The following MID1 variants were observed in gnomAD, a reference collection of about 807,000 sequenced individuals.
MID1 encodes the protein midline 1.
Under a neutral mutation model 40.4 loss-of-function variants are expected in MID1, and 7 were observed. The observed-to-expected ratio is 0.17, with a 90% CI of 0.10 to 0.33. MID1 has a LOEUF of 0.33. Ranked by LOEUF, MID1 falls within the 10% of genes least tolerant of loss-of-function variation. MID1 has a pLI of 1.00. For synonymous variants in MID1, 229 were observed against 221.2 expected, an observed-to-expected ratio of 1.04 and a Z score of -0.31; for missense variants, 367 against 558.5, an observed-to-expected ratio of 0.66 and a Z score of 3.46.
intron 1 of MID1, among the ~76,000 whole-genome samples, chrX:10,613,710 TATATATATATATATATATATATAGAG>T (rs1935776660): frequency 2.1e-5 from 1 of 48,525 alleles, no homozygotes; most frequent in African/African-American, 1.1e-4. Flanking sequence ...TATATATATA[TATATATATATATATATATATATAGAG>T]AGAGAGAGAG....
chrX:10,627,339 T>C (rs1569132089), intron 1 of MID1, among the ~76,000 whole-genome samples: 1 of 111,677 alleles, frequency 9.0e-6, no homozygotes, highest in East Asian at 2.8e-4. Flanking sequence ...GCATTTCCTG[T>C]TTCCACCATT....
chrX:10,566,464 C>T (rs193179472), intron 2 of MID1, among the ~76,000 whole-genome samples: 1 of 107,513 alleles, frequency 9.3e-6, no homozygotes, highest in African/African-American at 3.4e-5. Context: ...AGTAAGTGTT[C>T]CCCAAATGCC....
At chrX:10,665,429 G>A (rs16986225) in intron 1 of MID1, among the ~76,000 whole-genome samples, 1,622 of 110,906 alleles carry the variant, frequency 0.015, 29 homozygotes, top group African/African-American at 0.047. Context: ...CACGAACCTC[G>A]CAACACTCTG....
intron 1 of MID1, among the ~76,000 whole-genome samples, chrX:10,701,832 G>GA (rs2043195666): frequency 8.9e-6 from 1 of 112,119 alleles, no homozygotes; most frequent in South Asian, 3.7e-4. Context: ...TTCTCATAAA[G>GA]AAAACTCCAG....
intron 1 of MID1, among the ~76,000 whole-genome samples, chrX:10,811,731 C>T (rs986513288): frequency 2.7e-5 from 3 of 111,546 alleles, no homozygotes; most frequent in Admixed American, 9.6e-5. Flanking sequence ...AGAAGGAGAG[C>T]CTTGCCAGGA....
intron 2 of MID1, among the ~76,000 whole-genome samples, chrX:10,562,840 GAATTT>G (rs1171737974): frequency 9.4e-6 from 1 of 106,000 alleles, no homozygotes; most frequent in Non-Finnish European, 1.9e-5. Flanking sequence ...CTGGTCACTT[GAATTT>G]GTCTCCAACT....
At chrX:10,747,321 T>C (rs1209726704) in intron 1 of MID1, among the ~76,000 whole-genome samples, 2 of 111,715 alleles carry the variant, frequency 1.8e-5, no homozygotes, top group Non-Finnish European at 3.8e-5. Context: ...AATCTATGAG[T>C]CAGAGGATTC....
At chrX:10,531,502 T>C (rs1169951626) in intron 2 of MID1, among the ~76,000 whole-genome samples, 1 of 112,556 alleles carries the variant, frequency 8.9e-6, no homozygotes, top group Non-Finnish European at 1.9e-5. Flanking sequence ...TAGTATTCCA[T>C]GGACTACAAT....
chrX:10,672,224 C>CAA (rs111982692), intron 1 of MID1, among the ~76,000 whole-genome samples: 2 of 95,128 alleles, frequency 2.1e-5, no homozygotes, highest in African/African-American at 3.8e-5. Flanking sequence ...GATCCTGTCT[C>CAA]AAAAAAAAAA....
chrX:10,588,749 G>A (rs1156633928), intron 1 of MID1, among the ~76,000 whole-genome samples: 4 of 110,185 alleles, frequency 3.6e-5, no homozygotes, highest in African/African-American at 1.3e-4. Flanking sequence ...TAACTACTGT[G>A]GGGGGAAGGG....
chrX:10,826,556 G>A (rs1215593311), intron 1 of MID1, among the ~76,000 whole-genome samples: 1 of 111,967 alleles, frequency 8.9e-6, no homozygotes, highest in Non-Finnish European at 1.9e-5. Context: ...CTCCCTCATA[G>A]AGTCTGGCCA....
intron 1 of MID1, among the ~76,000 whole-genome samples, chrX:10,576,100 T>C (rs886919152): frequency 9.3e-6 from 1 of 107,753 alleles, no homozygotes; most frequent in Admixed American, 9.9e-5. Flanking sequence ...TTGACATTTC[T>C]TCTTTAAGAA....
chrX:10,700,425 A>G (rs772212855), intron 1 of MID1, among the ~76,000 whole-genome samples: 5 of 110,300 alleles, frequency 4.5e-5, no homozygotes, highest in Non-Finnish European at 7.6e-5. Flanking sequence ...GGTGGCATGC[A>G]CCTCTAGTCC....
chrX:10,558,860 G>A (rs937880109), intron 2 of MID1, among the ~76,000 whole-genome samples: 1 of 112,488 alleles, frequency 8.9e-6, no homozygotes, highest in South Asian at 3.7e-4. Flanking sequence ...ATGATGAAGA[G>A]GTACCATGTG....
chrX:10,462,576 C>T (rs1332406402), intron 7 of MID1, among the ~76,000 whole-genome samples: 1 of 112,262 alleles, frequency 8.9e-6, no homozygotes, highest in Non-Finnish European at 1.9e-5. Flanking sequence ...CCTCCTCCGA[C>T]TCAGTTTAAA....
rs919895090 is a variant in MID1, at chrX:10,475,931, T to A, written c.1014-1181A>T. ...TCCAAGGGTTATATGTCCTTTTGAG[T>A]CTCTTAATGGCTCTTAAAGCTTTGG... On this transcript the variant is annotated intron_variant, in intron 5 of 9. Transcript: ENST00000317552. Among the ~76,000 whole-genome samples, 4 of 111,711 alleles carry A rather than the reference T, an allele frequency of 3.6e-5. No individual in the cohort carries two copies. The Admixed American group carries it at 3.8e-4, about 11-fold the overall frequency.
chrX:10,641,785 A>G (rs191437110), intron 1 of MID1, among the ~76,000 whole-genome samples: 37 of 111,936 alleles, frequency 3.3e-4, no homozygotes, highest in African/African-American at 5.8e-4. Flanking sequence ...CTGGCAAACC[A>G]AATCCAGCAG....
chrX:10,723,852 T>G (rs1257672223), intron 1 of MID1, among the ~76,000 whole-genome samples: 1 of 112,901 alleles, frequency 8.9e-6, no homozygotes, highest in Non-Finnish European at 1.9e-5. Flanking sequence ...AGATGTAGTT[T>G]CTTACTTCAT....
chrX:10,453,255 T>C (rs888349978), intron 9 of MID1, among the ~76,000 whole-genome samples: 7 of 111,960 alleles, frequency 6.3e-5, no homozygotes, highest in Admixed American at 4.7e-4. Context: ...ATTCACTTCT[T>C]AGATTTTTGG....
Sources: gnomAD v4.1 joint callset for allele counts (sites outside exome capture counted in the v4.1 genomes callset) on GRCh38, gnomAD v4.1.1 for gene constraint, MANE v1.5 for transcripts, NCBI Gene and HGNC (gene_info 2026-07-23, HGNC 2026-07-21) for gene names.